Variants in UGT1A8 observed in about 807,000 individuals in gnomAD.
UGT1A8 encodes the protein UDP-glucuronosyltransferase 1A8.
In UGT1A8, 39 loss-of-function variants were observed where a neutral mutation model predicts 45.3. The observed-to-expected ratio is 0.86, with a 90% CI of 0.67 to 1.12. The LOEUF (loss-of-function observed/expected upper bound fraction) is 1.12. Among genes scored for constraint, UGT1A8 ranks in the 50% most tolerant of loss-of-function variants. The pLI, the probability that UGT1A8 is intolerant of heterozygous loss-of-function variation, is 0.00. For synonymous variants in UGT1A8, 275 were observed against 249.2 expected, an observed-to-expected ratio of 1.10 and a Z score of -0.97; for missense variants, 719 against 664.9, an observed-to-expected ratio of 1.08 and a Z score of -0.90.
chr2:233,697,426 C>T (rs1020465940), intron 1 of UGT1A8, among the ~76,000 whole-genome samples: 1 of 150,954 alleles, frequency 6.6e-6, no homozygotes, highest in African/African-American at 2.4e-5. Flanking sequence ...TGCTGTGTTT[C>T]CTTTTTCATT....
intron 1 of UGT1A8, among the ~76,000 whole-genome samples, chr2:233,746,886 T>G (rs1265545295): frequency 6.6e-6 from 1 of 151,624 alleles, no homozygotes; most frequent in Non-Finnish European, 1.5e-5. Context: ...AACAGAGAAG[T>G]AGGAGGCTGT....
At chr2:233,721,043 C>A (rs556501874) in intron 1 of UGT1A8, among the ~76,000 whole-genome samples, 1 of 152,048 alleles carries the variant, frequency 6.6e-6, no homozygotes, top group African/African-American at 2.4e-5. Context: ...AGAATTGAGC[C>A]CTTTTTTGTC....
chr2:233,735,338 T>G (rs1239211349), intron 1 of UGT1A8, among the ~76,000 whole-genome samples: 2 of 151,114 alleles, frequency 1.3e-5, no homozygotes, highest in Non-Finnish European at 3.0e-5. Context: ...CAACCCCTGC[T>G]TTTTTTTTGC....
At chr2:233,658,283 T>C (rs1167111467) in intron 1 of UGT1A8, among the ~76,000 whole-genome samples, 3 of 152,174 alleles carry the variant, frequency 2.0e-5, no homozygotes, top group Non-Finnish European at 2.9e-5. Flanking sequence ...CCTCCCAAAG[T>C]GCTGGGATTA....
At chr2:233,644,540 G>A (rs2073549029) in intron 1 of UGT1A8, among the ~76,000 whole-genome samples, 2 of 152,042 alleles carry the variant, frequency 1.3e-5, no homozygotes, top group African/African-American at 2.4e-5. Flanking sequence ...CAGCCTAGAT[G>A]ACAGAGTGAG....
chr2:233,675,322 G>A (rs2074317475), intron 1 of UGT1A8, among the ~76,000 whole-genome samples: 1 of 152,168 alleles, frequency 6.6e-6, no homozygotes, highest in African/African-American at 2.4e-5. Context: ...GTTGATTAAT[G>A]ATGTGTAAAT....
At chr2:233,688,319 A>G in intron 1 of UGT1A8, among the ~76,000 whole-genome samples, 1 of 152,240 alleles carries the variant, frequency 6.6e-6, no homozygotes, top group Admixed American at 6.5e-5. Context: ...CAGTTGGTGG[A>G]CATTTGGGTT....
chr2:233,626,079 G>A (rs2073079840), intron 1 of UGT1A8, among the ~76,000 whole-genome samples: 1 of 152,072 alleles, frequency 6.6e-6, no homozygotes, highest in Admixed American at 6.6e-5. Context: ...GGAGGTGGAA[G>A]TGGAGGCAGG....
chr2:233,635,252 C>T (rs1703021499), intron 1 of UGT1A8, among the ~76,000 whole-genome samples: 1 of 150,308 alleles, frequency 6.7e-6, no homozygotes, highest in Admixed American at 6.7e-5. Flanking sequence ...TTCATTTCAA[C>T]GTTGGTGAAT....
At chr2:233,758,038 C>G (rs1696781117) in intron 1 of UGT1A8, among the ~76,000 whole-genome samples, 1 of 152,188 alleles carries the variant, frequency 6.6e-6, no homozygotes, top group Admixed American at 6.5e-5. Flanking sequence ...CCCCTCCTTT[C>G]AGGCAAGGAC....
At chr2:233,636,796 G>T in intron 1 of UGT1A8, 3 of 1,614,196 alleles carry the variant, frequency 1.9e-6, no homozygotes, top group Non-Finnish European at 2.5e-6. Flanking sequence ...GGAATTCATG[G>T]TTTTCGCCCA....
At chr2:233,643,748 C>T (rs1376415820) in intron 1 of UGT1A8, among the ~76,000 whole-genome samples, 2 of 152,212 alleles carry the variant, frequency 1.3e-5, no homozygotes, top group South Asian at 2.1e-4. Context: ...TCCAAGGTCT[C>T]TTCAGTTAGC....
In UGT1A8 at chr2:233,657,201, G is replaced by A. The variant is rs138600935; in HGVS notation, c.855+38639G>A. On this transcript the variant is annotated intron_variant, in intron 1 of 4. Coordinates refer to ENST00000373450, the MANE Select transcript of UGT1A8 (RefSeq NM_019076.5). The stretch of plus-strand genomic sequence containing the variant: ...GGTCCCCCATCATCTCACCTTTCCT[G>A]GCTCATGGGCTTTATTTTATGCCAC... Among the ~76,000 whole-genome samples, 556 of 152,266 alleles carry A rather than the reference G, an allele frequency of 3.7e-3. 4 individuals are homozygous for A. The highest frequency in any genetic ancestry group is 0.013 in the African/African-American group (525 of 41,538).
chr2:233,724,740 T>G (rs2077303271), intron 1 of UGT1A8, among the ~76,000 whole-genome samples: 1 of 140,730 alleles, frequency 7.1e-6, no homozygotes, highest in South Asian at 2.6e-4. Flanking sequence ...GAGGGGCTCC[T>G]CACATCCCAG....
In UGT1A8 at chr2:233,731,080, T is replaced by C. The variant is rs548797519; in HGVS notation, c.856-35954T>C. Among the ~76,000 whole-genome samples, 7 of 152,364 alleles carry C rather than the reference T, an allele frequency of 4.6e-5. No individual in the cohort carries two copies. In the South Asian group the frequency reaches 1.2e-3, roughly 27 times the overall value. ...AACTTCCATGATTTAGATCCTTTTG[T>C]ATTCTTATTTCTGTGCCTTTTTTAT... On this transcript the variant is annotated intron_variant, in intron 1 of 4. Coordinates refer to ENST00000373450, the MANE Select transcript of UGT1A8 (RefSeq NM_019076.5).
rs1438675423 is a variant in UGT1A8 at position 233,720,224 on chromosome 2, C to CA, written c.856-46809dup. On this transcript the variant is annotated intron_variant, in intron 1 of 4. Coordinates refer to ENST00000373450, the MANE Select transcript of UGT1A8 (RefSeq NM_019076.5). ...TGAAGGTGGGATGGATGCATGTGAT[C>CA]AGAGAATGAAACATGGAGTTCAGTT... is the stretch of plus-strand genomic sequence containing the variant. Among the ~76,000 whole-genome samples the CA allele has an allele frequency of 3.3e-5, 5 of 152,078 alleles. No homozygotes were observed. The East Asian group carries it at 9.6e-4, about 29-fold the overall frequency.
chr2:233,634,605 T>TA (rs111801814), intron 1 of UGT1A8, among the ~76,000 whole-genome samples: 147 of 152,334 alleles, frequency 9.6e-4, no homozygotes, highest in African/African-American at 3.4e-3. Context: ...AGTCTGTTTT[T>TA]ATCAGAGACT....
At chr2:233,684,000 A>G (rs920065917) in intron 1 of UGT1A8, among the ~76,000 whole-genome samples, 1 of 152,208 alleles carries the variant, frequency 6.6e-6, no homozygotes, top group African/African-American at 2.4e-5. Context: ...TGACAAATAC[A>G]AGAGTAAGAT....
At chr2:233,731,212 T>A (rs1194990804) in intron 1 of UGT1A8, among the ~76,000 whole-genome samples, 1 of 152,156 alleles carries the variant, frequency 6.6e-6, no homozygotes, top group Non-Finnish European at 1.5e-5. Context: ...TACGTGTTTA[T>A]TTAGATTTGT....
Sources: allele counts gnomAD v4.1 joint callset (sites outside exome capture counted in the v4.1 genomes callset), GRCh38; gene constraint gnomAD v4.1.1; transcripts MANE v1.5; gene names NCBI Gene and HGNC (gene_info 2026-07-23, HGNC 2026-07-21).